NAV1: variants seen among roughly 807,000 people sequenced by gnomAD.
NAV1 encodes the protein pore membrane and/or filament interacting like protein 3.
In NAV1, 18 loss-of-function variants were observed where a neutral mutation model predicts 175.2. The ratio of observed to expected loss-of-function variants is 0.10; its 90% CI spans 0.07 to 0.15. The LOEUF (loss-of-function observed/expected upper bound fraction) is 0.15. NAV1 is among the 10% of genes least tolerant of loss of function. The pLI is 1.00. For synonymous variants in NAV1, 897 were observed against 978.7 expected (o/e 0.92, Z 1.56); for missense variants, 1,731 against 2,436.6 (o/e 0.71, Z 6.10).
intron 2 of NAV1, among the ~76,000 whole-genome samples, chr1:201,641,270 TACC>T (rs1480538406): frequency 6.6e-6 from 1 of 152,200 alleles, no homozygotes; most frequent in Non-Finnish European, 1.5e-5. Context: ...CACTTCTCAC[TACC>T]ACCACAGTCA....
At chr1:201,606,467 C>G (rs370955248) in intron 2 of NAV1, among the ~76,000 whole-genome samples, 1 of 152,198 alleles carries the variant, frequency 6.6e-6, no homozygotes, top group South Asian at 2.1e-4. Flanking sequence ...CCTAAGGCCA[C>G]GGGTCATCTT....
exon 30 of NAV1, chr1:201,820,504 C>T: frequency 6.6e-6 from 1 of 152,568 alleles, no homozygotes; most frequent in Admixed American, 6.6e-5. Flanking sequence ...AAATGAAAAA[C>T]AAAAACAAGC....
At chr1:201,545,480 G>T (rs1405346319) in intron 1 of NAV1, among the ~76,000 whole-genome samples, 1 of 151,986 alleles carries the variant, frequency 6.6e-6, no homozygotes, top group Non-Finnish European at 1.5e-5. Flanking sequence ...TGGCCAGGCT[G>T]GTCTCAAACT....
intron 1 of NAV1, among the ~76,000 whole-genome samples, chr1:201,561,021 C>A (rs1036883328): frequency 7.2e-5 from 11 of 152,230 alleles, no homozygotes; most frequent in African/African-American, 2.7e-4. Flanking sequence ...TGTGTTCATC[C>A]AGTGACTGGC....
intron 1 of NAV1, among the ~76,000 whole-genome samples, chr1:201,656,500 A>G (rs1669410152): frequency 6.6e-6 from 1 of 152,232 alleles, no homozygotes. Flanking sequence ...CTGGGCTCAT[A>G]AACTACGACC....
chr1:201,565,524 A>C (rs1666329149), intron 1 of NAV1, among the ~76,000 whole-genome samples: 1 of 152,224 alleles, frequency 6.6e-6, no homozygotes, highest in South Asian at 2.1e-4. Flanking sequence ...TGGCTATCCC[A>C]GGGACGTGGT....
intron 3 of NAV1, among the ~76,000 whole-genome samples, chr1:201,766,056 C>G (rs1230379316): frequency 2.6e-5 from 4 of 152,174 alleles, no homozygotes; most frequent in Non-Finnish European, 4.4e-5. Flanking sequence ...GCCAATATAT[C>G]AAGGGGCCAA....
intron 3 of NAV1, among the ~76,000 whole-genome samples, chr1:201,770,237 T>C (rs1353195438): frequency 6.6e-6 from 1 of 152,242 alleles, no homozygotes; most frequent in Non-Finnish European, 1.5e-5. Context: ...GCCACGTGTC[T>C]GCACAGACAC....
At chr1:201,611,038 G>A (rs925209557) in intron 2 of NAV1, among the ~76,000 whole-genome samples, 4 of 152,122 alleles carry the variant, frequency 2.6e-5, no homozygotes, top group South Asian at 4.1e-4. Context: ...CAGCCAGGCC[G>A]GCGCTGGGGA....
chr1:201,788,646 T>C lies in NAV1; in HGVS notation c.3166+8T>C. On this transcript the variant is annotated splice_region_variant and intron_variant, in intron 10 of 29. Transcript: ENST00000367296. This position sits in a 1 kb window ranked among gnomAD's most constrained non-coding sequence, Gnocchi z 5.7. ...GAGACCCCACGGACGATGGTGAGAC[T>C]TCATGCTAGCGCGGTTCACGCTCAT... 6.2e-7 allele frequency: 1 copy of C among 1,606,604 alleles called. No homozygotes were observed.
rs781270299 is a variant in NAV1 at position 201,689,386 on chromosome 1, C to T, written c.758-23431C>T. Among the ~76,000 whole-genome samples, 34 of 152,184 alleles carry T rather than the reference C, an allele frequency of 2.2e-4. 1 individual carries two copies. The highest frequency in any genetic ancestry group is 3.5e-4 in the Non-Finnish European group (24 of 68,032). ...TGGAAGGTGGGACAGGATATATTCTCTCTTAAATCATGTCACCACTCAACC... is the reference window on the plus strand; with the variant it reads ...TGGAAGGTGGGACAGGATATATTCTTTCTTAAATCATGTCACCACTCAACC... On this transcript the variant is annotated intron_variant, in intron 1 of 29. Coordinates refer to ENST00000367296, the Ensembl canonical transcript of NAV1.
At chr1:201,584,843 AC>A (rs1666979096) in intron 1 of NAV1, among the ~76,000 whole-genome samples, 1 of 152,218 alleles carries the variant, frequency 6.6e-6, no homozygotes, top group Non-Finnish European at 1.5e-5. Context: ...TCCGGAGCAG[AC>A]AGCAAAGCAG....
chr1:201,773,727 G>A (rs1024613981), intron 3 of NAV1, among the ~76,000 whole-genome samples: 2 of 152,166 alleles, frequency 1.3e-5, no homozygotes, highest in African/African-American at 4.8e-5. Flanking sequence ...TGTAAATTTT[G>A]GAGGGTAGAC....
At chr1:201,685,902 A>G (rs1043903839) in intron 1 of NAV1, among the ~76,000 whole-genome samples, 3 of 152,200 alleles carry the variant, frequency 2.0e-5, no homozygotes, top group African/African-American at 7.2e-5. Context: ...GATACATGGG[A>G]AACTCCTGAG....
chr1:201,543,530 T>G (rs1477635580), intron 1 of NAV1, among the ~76,000 whole-genome samples: 1 of 151,996 alleles, frequency 6.6e-6, no homozygotes, highest in Admixed American at 6.5e-5. Flanking sequence ...AAAGTTTCAT[T>G]TTTTTTTCCC....
chr1:201,801,493 T>A (rs1677864628), intron 15 of NAV1, among the ~76,000 whole-genome samples: 1 of 152,146 alleles, frequency 6.6e-6, no homozygotes, highest in South Asian at 2.1e-4. Flanking sequence ...TTTAAAATAT[T>A]TTTTTAAATA....
At chr1:201,767,840 G>A (rs946685454) in intron 3 of NAV1, among the ~76,000 whole-genome samples, 2 of 152,204 alleles carry the variant, frequency 1.3e-5, no homozygotes, top group Non-Finnish European at 2.9e-5. Context: ...GAACTGAGTG[G>A]CTCACCTCCA....
intron 1 of NAV1, among the ~76,000 whole-genome samples, chr1:201,650,502 C>T (rs947473065): frequency 6.6e-6 from 1 of 152,180 alleles, no homozygotes; most frequent in African/African-American, 2.4e-5. Flanking sequence ...CCCGAGCTTC[C>T]TGGGTACCCG....
Position 201,573,326 on chromosome 1 carries a change from CGT to C in NAV1, c.-143-15199_-143-15198del, listed in dbSNP as rs149557758. Among the ~76,000 whole-genome samples the C allele has an allele frequency of 1.8e-4, 27 of 150,830 alleles. 1 individual carries two copies. The highest frequency in any genetic ancestry group is 1.5e-3 in the South Asian group (7 of 4,796). ...ATCTCCTGATATGTGTGTGTGTATG[CGT>C]GTGTGTGTGTGTGCACACCTGTACC... is the stretch of plus-strand genomic sequence containing the variant. On this transcript the variant is annotated intron_variant, in intron 1 of 33. Coordinates refer to the NAV1 transcript ENST00000685211.
Sources: allele counts gnomAD v4.1 joint callset (sites outside exome capture counted in the v4.1 genomes callset), GRCh38; gene constraint gnomAD v4.1.1; non-coding constraint Gnocchi (gnomAD v3.1); transcripts MANE v1.5; gene names NCBI Gene and HGNC (gene_info 2026-07-23, HGNC 2026-07-21).